The following CYRIA variants were observed in gnomAD, a reference collection of about 807,000 sequenced individuals.
The protein encoded by CYRIA is CYFIP-related Rac1 interactor A.
A neutral mutation model predicts 43.9 loss-of-function variants in CYRIA; 15 were observed. The observed-to-expected ratio is 0.34, with a 90% CI of 0.23 to 0.53. The LOEUF (loss-of-function observed/expected upper bound fraction) is 0.53, where lower values mean the gene tolerates loss of function less well. Among genes scored for constraint, CYRIA ranks in the 20% least tolerant of loss-of-function variants. CYRIA has a pLI of 0.94. For missense variants in CYRIA, 236 were observed against 394.2 expected (o/e 0.60, Z 3.40); for synonymous variants, 117 against 136.0 (o/e 0.86, Z 0.97).
intron 1 of CYRIA, among the ~76,000 whole-genome samples, chr2:16,643,156 T>C (rs576785354): frequency 6.6e-6 from 1 of 152,308 alleles, no homozygotes; most frequent in Admixed American, 6.5e-5. Flanking sequence ...ATCTACATTT[T>C]TTCCTTAACT....
At chr2:16,634,195 T>G (rs138637837) in intron 1 of CYRIA, among the ~76,000 whole-genome samples, 2 of 152,188 alleles carry the variant, frequency 1.3e-5, no homozygotes, top group African/African-American at 2.4e-5. Context: ...CAGAGGTTCA[T>G]CTACTCTTTA....
At chr2:16,560,458 C>A (rs1404355577) in intron 9 of CYRIA, among the ~76,000 whole-genome samples, 3 of 152,062 alleles carry the variant, frequency 2.0e-5, no homozygotes, top group Non-Finnish European at 2.9e-5. Flanking sequence ...GGGGCTACAG[C>A]CATAAATGGA....
intron 2 of CYRIA, among the ~76,000 whole-genome samples, chr2:16,621,226 T>A (rs1262290584): frequency 1.3e-5 from 2 of 152,218 alleles, no homozygotes; most frequent in East Asian, 3.9e-4. Flanking sequence ...GTCTATCATG[T>A]AAGTAAATTC....
At chr2:16,653,228 A>G (rs1390877938) in intron 1 of CYRIA, among the ~76,000 whole-genome samples, 1 of 152,148 alleles carries the variant, frequency 6.6e-6, no homozygotes, top group Non-Finnish European at 1.5e-5. Context: ...TGATGTCTCC[A>G]TGACCCCATG....
chr2:16,554,450 G>A (rs1666430331), intron 11 of CYRIA, among the ~76,000 whole-genome samples: 1 of 152,180 alleles, frequency 6.6e-6, no homozygotes, highest in South Asian at 2.1e-4. Context: ...CTTGTTAGCA[G>A]TGAGAAGCTG....
intron 2 of CYRIA, among the ~76,000 whole-genome samples, chr2:16,617,392 CCAAA>C (rs552994589): frequency 1.4e-4 from 22 of 152,344 alleles, no homozygotes; most frequent in Middle Eastern, 3.4e-3. Context: ...GCTTACAGCT[CCAAA>C]CAGAGAAAGG....
At position 16,631,174 on chromosome 2, in the gene CYRIA, G is replaced by T. The variant is rs1182305217; in HGVS notation, c.-166-7155C>A. ...CTTTGGACTACTTTGAAAACCAAAT[G>T]AGCTATTATATTTGTGTTCGTGTTT... On this transcript the variant is annotated intron_variant, in intron 1 of 11. Transcript: ENST00000381323. Among the ~76,000 whole-genome samples the T allele has an allele frequency of 2.6e-5, 4 of 152,234 alleles. No homozygotes were observed. In the East Asian group the frequency reaches 7.7e-4, roughly 29 times the overall value.
chr2:16,608,527 C>G (rs1041606583), intron 2 of CYRIA, among the ~76,000 whole-genome samples: 1 of 152,192 alleles, frequency 6.6e-6, no homozygotes, highest in Non-Finnish European at 1.5e-5. Flanking sequence ...GACTAAGCTA[C>G]TCTAAAAAGG....
intron 1 of CYRIA, among the ~76,000 whole-genome samples, chr2:16,638,064 G>C (rs1322627289): frequency 6.6e-6 from 1 of 152,176 alleles, no homozygotes; most frequent in Non-Finnish European, 1.5e-5. Context: ...CCTCATCTTG[G>C]GGTTTGGAAG....
intron 2 of CYRIA, among the ~76,000 whole-genome samples, chr2:16,604,325 C>T (rs553309680): frequency 5.9e-5 from 9 of 152,212 alleles, no homozygotes; most frequent in Non-Finnish European, 1.2e-4. Flanking sequence ...GCAGCCAGGG[C>T]GGCCACTGTT....
intron 1 of CYRIA, among the ~76,000 whole-genome samples, chr2:16,624,833 C>A (rs1669107626): frequency 6.6e-6 from 1 of 152,158 alleles, no homozygotes; most frequent in South Asian, 2.1e-4. Flanking sequence ...AATATACTTT[C>A]TTATTAATTT....
chr2:16,639,849 G>A (rs535274965), intron 1 of CYRIA, among the ~76,000 whole-genome samples: 1 of 152,342 alleles, frequency 6.6e-6, no homozygotes, highest in South Asian at 2.1e-4. Context: ...GTCAGAGAGG[G>A]AGGAGGGAGA....
At chr2:16,599,739 G>A (rs1156502248) in intron 2 of CYRIA, among the ~76,000 whole-genome samples, 1 of 151,896 alleles carries the variant, frequency 6.6e-6, no homozygotes, top group East Asian at 1.9e-4. Flanking sequence ...TTCCTATTCG[G>A]CCATCTTGGC....
chr2:16,653,333 G>A (rs1169596309), intron 1 of CYRIA, among the ~76,000 whole-genome samples: 1 of 152,168 alleles, frequency 6.6e-6, no homozygotes, highest in Non-Finnish European at 1.5e-5. Flanking sequence ...TTTGGCCCTC[G>A]CTGAGGCTCA....
At chr2:16,590,750 G>A (rs977196357) in intron 2 of CYRIA, among the ~76,000 whole-genome samples, 1 of 152,118 alleles carries the variant, frequency 6.6e-6, no homozygotes, top group African/African-American at 2.4e-5. Context: ...TTCCAGAAGT[G>A]TCACCTCTCA....
chr2:16,588,134 G>A lies in CYRIA; in HGVS notation c.-10-5C>T. On this transcript the variant is annotated splice_polypyrimidine_tract_variant and splice_region_variant and intron_variant, in intron 2 of 11. Transcript: ENST00000381323. Reference sequence around the variant, plus strand: ...AGGTTTCCCATCCCAGCAAACCTAGGAAAGGCAACACAAAACCAAATACCA... The same window carrying A: ...AGGTTTCCCATCCCAGCAAACCTAGAAAAGGCAACACAAAACCAAATACCA... 3 of 1,593,130 alleles carry A rather than the reference G, an allele frequency of 1.9e-6. No individual in the cohort carries two copies. Among genetic ancestry groups the A allele is most frequent in the Non-Finnish European group, 2.6e-6 (3 of 1,167,608 alleles).
At chr2:16,661,168 A>C (rs1055720205) in intron 1 of CYRIA, among the ~76,000 whole-genome samples, 2 of 152,106 alleles carry the variant, frequency 1.3e-5, no homozygotes, top group African/African-American at 4.8e-5. Context: ...CCAGCTACTC[A>C]GGAGGCTGGG....
chr2:16,560,619 C>A, intron 9 of CYRIA: 1 of 229,644 alleles, frequency 4.4e-6, no homozygotes. Context: ...TTGAAACAGT[C>A]TTATCATGTC....
intron 1 of CYRIA, among the ~76,000 whole-genome samples, chr2:16,638,788 G>T (rs1052318260): frequency 6.6e-6 from 1 of 152,122 alleles, no homozygotes; most frequent in Non-Finnish European, 1.5e-5. Context: ...GTGGAGTGTT[G>T]TGTGTGTAGA....
Sources: allele counts gnomAD v4.1 joint callset (sites outside exome capture counted in the v4.1 genomes callset), GRCh38; gene constraint gnomAD v4.1.1; transcripts MANE v1.5; gene names NCBI Gene and HGNC (gene_info 2026-07-23, HGNC 2026-07-21).